SMAD6: variants seen among roughly 807,000 people sequenced by gnomAD.
The protein encoded by SMAD6 is MAD homolog 6.
In SMAD6, 103 loss-of-function variants were observed where a neutral mutation model predicts 39.4. The observed-to-expected ratio is 2.62, with a 90% CI of 2.23 to 3.08. The LOEUF is 3.08. SMAD6 is among the 30% of genes most tolerant of loss of function. The pLI, the probability that SMAD6 is intolerant of heterozygous loss-of-function variation, is 0.00. For missense variants in SMAD6, 1,104 were observed against 742.9 expected, an observed-to-expected ratio of 1.49 and a Z score of -5.65; for synonymous variants, 445 against 353.3, an observed-to-expected ratio of 1.26 and a Z score of -2.91.
chr15:66,757,812 G>A (rs1426571186), intron 3 of SMAD6, among the ~76,000 whole-genome samples: 6 of 152,244 alleles, frequency 3.9e-5, no homozygotes, highest in Admixed American at 3.9e-4. Flanking sequence ...GTGCTGGCAG[G>A]ACAACAGAGT....
intron 3 of SMAD6, among the ~76,000 whole-genome samples, chr15:66,771,583 C>A (rs1190143770): frequency 6.6e-6 from 1 of 152,122 alleles, no homozygotes; most frequent in Admixed American, 6.5e-5. Context: ...ACCCCTCCTG[C>A]GACTGGGGGA....
At chr15:66,777,322 G>A (rs769726563) in intron 3 of SMAD6, among the ~76,000 whole-genome samples, 4 of 152,120 alleles carry the variant, frequency 2.6e-5, no homozygotes, top group East Asian at 3.9e-4. Flanking sequence ...AGGATTCCCC[G>A]TGGGGTGTGG....
intron 3 of SMAD6, among the ~76,000 whole-genome samples, chr15:66,773,873 C>T (rs1894420406): frequency 6.6e-6 from 1 of 152,160 alleles, no homozygotes; most frequent in Non-Finnish European, 1.5e-5. Context: ...AGGGTCTGGG[C>T]CTGTCTGCCC....
chr15:66,749,027 A>G (rs12913356), intron 3 of SMAD6, among the ~76,000 whole-genome samples: 11,610 of 152,196 alleles, frequency 0.076, 547 homozygotes, highest in East Asian at 0.2. Context: ...TTCTTGGTTC[A>G]AAATTACCAG....
chr15:66,732,894 C>G (rs575920682), intron 3 of SMAD6, among the ~76,000 whole-genome samples: 19 of 151,844 alleles, frequency 1.3e-4, no homozygotes, highest in Non-Finnish European at 2.1e-4. Flanking sequence ...TTCTGCCAAA[C>G]CCAAGGACAG....
intron 3 of SMAD6, among the ~76,000 whole-genome samples, chr15:66,718,347 G>A (rs1488404723): frequency 3.9e-5 from 6 of 152,084 alleles, no homozygotes; most frequent in Admixed American, 3.9e-4. Context: ...GTTGCCTTTG[G>A]GCCTCACTGG....
intron 3 of SMAD6, among the ~76,000 whole-genome samples, chr15:66,763,772 G>A (rs1225700197): frequency 2.0e-5 from 3 of 152,216 alleles, no homozygotes; most frequent in Admixed American, 1.3e-4. Flanking sequence ...TGCAGTTAAC[G>A]CCTGAGGGGT....
At chr15:66,719,688 G>A (rs955831967) in intron 3 of SMAD6, among the ~76,000 whole-genome samples, 7 of 152,354 alleles carry the variant, frequency 4.6e-5, no homozygotes, top group African/African-American at 1.7e-4. Context: ...GGCCACTTGG[G>A]GGAAGGATGG....
At chr15:66,771,812 A>G (rs950726470) in intron 3 of SMAD6, among the ~76,000 whole-genome samples, 3 of 152,198 alleles carry the variant, frequency 2.0e-5, no homozygotes, top group South Asian at 2.1e-4. Flanking sequence ...CCCTTTCCCA[A>G]GATCAATTAT....
At chr15:66,771,844 A>G (rs1255029110) in intron 3 of SMAD6, among the ~76,000 whole-genome samples, 3 of 152,208 alleles carry the variant, frequency 2.0e-5, no homozygotes, top group Non-Finnish European at 4.4e-5. Context: ...CCCATCTACA[A>G]AATACTCATT....
intron 3 of SMAD6, among the ~76,000 whole-genome samples, chr15:66,732,931 G>C (rs1025598701): frequency 5.3e-5 from 8 of 151,730 alleles, no homozygotes; most frequent in African/African-American, 1.9e-4. Flanking sequence ...TTTTCTTCTA[G>C]AAGTTTTATA....
chr15:66,733,085 A>G (rs1893658014), intron 3 of SMAD6, among the ~76,000 whole-genome samples: 2 of 151,856 alleles, frequency 1.3e-5, no homozygotes, highest in South Asian at 4.2e-4. Context: ...TTTCTTTTTG[A>G]ATTAACTTTG....
At chr15:66,732,551 A>G (rs1182167463) in intron 3 of SMAD6, among the ~76,000 whole-genome samples, 3 of 152,132 alleles carry the variant, frequency 2.0e-5, no homozygotes, top group Non-Finnish European at 1.5e-5. Flanking sequence ...TTCTAGAGAC[A>G]GAGTCTTGCT....
chr15:66,781,126 C>G lies in SMAD6; in HGVS notation c.1082C>G (p.Pro361Arg). Residue 361 changes from proline to arginine, a missense_variant, in exon 4 of 4, where the codon CCT becomes CGT. Transcript: ENST00000288840. ...DQAVSIFYDLPQGSGFCLGQL... is the reference protein window; with the variant it reads ...DQAVSIFYDLRQGSGFCLGQL... ...GCCGTCAGCATCTTCTACGACCTACCTCAGGGCAGCGGCTTCTGCCTGGGC... is the reference window on the plus strand; with the variant it reads ...GCCGTCAGCATCTTCTACGACCTACGTCAGGGCAGCGGCTTCTGCCTGGGC... 1 of 1,608,914 alleles carries G rather than the reference C, an allele frequency of 6.2e-7. No homozygotes were observed. Among genetic ancestry groups the G allele is most frequent in the Non-Finnish European group, 8.5e-7 (1 of 1,179,768 alleles).
At chr15:66,717,900 C>G (rs1323489400) in intron 3 of SMAD6, among the ~76,000 whole-genome samples, 1 of 152,122 alleles carries the variant, frequency 6.6e-6, no homozygotes, top group Non-Finnish European at 1.5e-5. Flanking sequence ...CAGATGAACG[C>G]AAGTTAAAAT....
intron 3 of SMAD6, among the ~76,000 whole-genome samples, chr15:66,763,596 C>T (rs767089887): frequency 3.9e-5 from 6 of 152,204 alleles, no homozygotes; most frequent in African/African-American, 1.2e-4. Context: ...CAGCCTCGCC[C>T]AGGGCCTCTT....
intron 3 of SMAD6, among the ~76,000 whole-genome samples, chr15:66,753,683 G>A (rs774465285): frequency 2.6e-5 from 4 of 152,178 alleles, no homozygotes; most frequent in African/African-American, 7.2e-5. Flanking sequence ...CCCACCTTGC[G>A]CACCTCAGGC....
intron 3 of SMAD6, among the ~76,000 whole-genome samples, chr15:66,753,050 G>T (rs915792058): frequency 6.6e-6 from 1 of 152,206 alleles, no homozygotes; most frequent in Non-Finnish European, 1.5e-5. Flanking sequence ...CTCTTGGAAG[G>T]TTGTTTCATT....
intron 3 of SMAD6, among the ~76,000 whole-genome samples, chr15:66,773,157 T>C (rs1414224489): frequency 6.9e-6 from 1 of 144,012 alleles, no homozygotes; most frequent in Non-Finnish European, 1.5e-5. Flanking sequence ...GATTAGGAAC[T>C]TCCCCTTGGA....
Sources: gnomAD v4.1 joint callset for allele counts (sites outside exome capture counted in the v4.1 genomes callset) on GRCh38, gnomAD v4.1.1 for gene constraint, MANE v1.5 for transcripts, NCBI Gene and HGNC (gene_info 2026-07-23, HGNC 2026-07-21) for gene names.